The following TRDN variants were observed in gnomAD, a reference collection of about 807,000 sequenced individuals.
TRDN encodes triadin, also known as triadin in skeletal muscle.
Under a neutral mutation model 149.7 loss-of-function variants are expected in TRDN, and 161 were observed. That is an observed-to-expected ratio of 1.08 (90% CI 0.95 to 1.23). TRDN has a LOEUF of 1.23. TRDN is among the 50% of genes most tolerant of loss of function. The pLI is 0.00. For synonymous variants in TRDN, 294 were observed against 250.5 expected (o/e 1.17, Z -1.64); for missense variants, 896 against 823.5 (o/e 1.09, Z -1.08).
chr6:123,615,222 T>C (rs562141709), intron 1 of TRDN, among the ~76,000 whole-genome samples: 1 of 152,240 alleles, frequency 6.6e-6, no homozygotes, highest in African/African-American at 2.4e-5. Flanking sequence ...AGTGCAGCCA[T>C]TATGAAAAAT....
chr6:123,485,563 T>C (rs1216622055), intron 9 of TRDN, among the ~76,000 whole-genome samples: 1 of 152,134 alleles, frequency 6.6e-6, no homozygotes, highest in African/African-American at 2.4e-5. Flanking sequence ...AGAATAATAA[T>C]GCTACGTGAA....
chr6:123,561,342 T>A (rs1781983692), intron 2 of TRDN, among the ~76,000 whole-genome samples: 1 of 152,128 alleles, frequency 6.6e-6, no homozygotes, highest in South Asian at 2.1e-4. Flanking sequence ...CTCACCAAGC[T>A]CAGCCACCAA....
At chr6:123,415,905 T>C (rs1362763622) in intron 12 of TRDN, among the ~76,000 whole-genome samples, 3 of 152,330 alleles carry the variant, frequency 2.0e-5, no homozygotes, top group East Asian at 1.9e-4. Flanking sequence ...TTCCATATTC[T>C]AGTTTTATAT....
intron 24 of TRDN, among the ~76,000 whole-genome samples, chr6:123,296,380 A>T (rs1778197926): frequency 6.6e-6 from 1 of 152,134 alleles, no homozygotes; most frequent in African/African-American, 2.4e-5. Flanking sequence ...TTTCTACCAC[A>T]TATATTCAAT....
intron 12 of TRDN, among the ~76,000 whole-genome samples, chr6:123,394,569 T>A (rs1336800360): frequency 6.6e-6 from 1 of 152,188 alleles, no homozygotes; most frequent in East Asian, 1.9e-4. Flanking sequence ...TAGGTGGATA[T>A]GTAGTAGTTG....
intron 33 of TRDN, among the ~76,000 whole-genome samples, chr6:123,262,270 A>G (rs1407135587): frequency 6.6e-6 from 1 of 152,046 alleles, no homozygotes; most frequent in South Asian, 2.1e-4. Flanking sequence ...CTCAACCCAC[A>G]CAATAACTGT....
In TRDN at chr6:123,493,235, G is replaced by T. The variant is rs10223415; in HGVS notation, c.853+3958C>A. On this transcript the variant is annotated intron_variant, in intron 9 of 40. Coordinates refer to ENST00000334268, the MANE Select transcript of TRDN (RefSeq NM_006073.4). ...TTTCAACTTAATATAGAGTAAGTCA[G>T]TACAAGAGAATTTTGATTCAATACA... Among the ~76,000 whole-genome samples, 797 of 152,172 alleles carry T rather than the reference G, an allele frequency of 5.2e-3. 6 individuals carry two copies. The highest frequency in any genetic ancestry group is 0.018 in the African/African-American group (740 of 41,518).
chr6:123,570,824 C>T, intron 2 of TRDN, 99 bp downstream of exon 2: 1 of 1,083,856 alleles, frequency 9.2e-7, no homozygotes, highest in Non-Finnish European at 1.3e-6. Flanking sequence ...TTCTTCCTCA[C>T]ACTAAGATGA....
chr6:123,524,691 A>G, intron 5 of TRDN, among the ~76,000 whole-genome samples: 1 of 152,162 alleles, frequency 6.6e-6, no homozygotes, highest in South Asian at 2.1e-4. Context: ...TGCCTAAGGA[A>G]AAAGCAAAAA....
chr6:123,559,730 T>C (rs1447250557), intron 2 of TRDN, among the ~76,000 whole-genome samples: 1 of 152,214 alleles, frequency 6.6e-6, no homozygotes, highest in Non-Finnish European at 1.5e-5. Context: ...TTACCTGTCC[T>C]AAAACCAGAC....
chr6:123,411,479 T>A (rs577310123), intron 12 of TRDN, among the ~76,000 whole-genome samples: 1 of 152,176 alleles, frequency 6.6e-6, no homozygotes, highest in African/African-American at 2.4e-5. Context: ...ATGACCTAGT[T>A]GGAAAGTTTG....
intron 33 of TRDN, among the ~76,000 whole-genome samples, chr6:123,263,339 G>A (rs1776835717): frequency 6.6e-6 from 1 of 152,050 alleles, no homozygotes; most frequent in Non-Finnish European, 1.5e-5. Flanking sequence ...GGAAACTGCA[G>A]AAGAAAAGTT....
chr6:123,233,925 A>G (rs1012355018), intron 38 of TRDN, among the ~76,000 whole-genome samples: 2 of 152,064 alleles, frequency 1.3e-5, no homozygotes, highest in African/African-American at 4.8e-5. Context: ...CCTCATTCTT[A>G]TAGTTACCAA....
intron 10 of TRDN, among the ~76,000 whole-genome samples, chr6:123,450,439 T>G (rs903935897): frequency 3.9e-5 from 6 of 152,112 alleles, no homozygotes; most frequent in Non-Finnish European, 4.4e-5. Context: ...GTAGCTATTC[T>G]TATATCAGAC....
chr6:123,253,534 A>G (rs1011097320), intron 37 of TRDN, among the ~76,000 whole-genome samples: 6 of 152,158 alleles, frequency 3.9e-5, no homozygotes, highest in Non-Finnish European at 8.8e-5. Flanking sequence ...CACTAAGACT[A>G]ACATGTTATT....
At chr6:123,387,660 T>C (rs1321870960) in intron 14 of TRDN, among the ~76,000 whole-genome samples, 5 of 152,192 alleles carry the variant, frequency 3.3e-5, no homozygotes, top group Non-Finnish European at 7.3e-5. Context: ...CAGGAGTCCT[T>C]GACCACTGAT....
At chr6:123,513,394 A>C (rs1779266163) in intron 6 of TRDN, among the ~76,000 whole-genome samples, 1 of 152,100 alleles carries the variant, frequency 6.6e-6, no homozygotes, top group African/African-American at 2.4e-5. Flanking sequence ...ATTTGAATAC[A>C]TTTTTTTCTG....
At chr6:123,375,728 G>T in intron 18 of TRDN, 97 bp from the exon 19 acceptor site, 1 of 1,017,818 alleles carries the variant, frequency 9.8e-7, no homozygotes, top group Non-Finnish European at 1.4e-6. Context: ...TTTAAAGATT[G>T]TGTGTATAAT....
chr6:123,335,116 T>G (rs188576791), intron 22 of TRDN, among the ~76,000 whole-genome samples: 7 of 151,928 alleles, frequency 4.6e-5, no homozygotes, highest in Non-Finnish European at 1.5e-5. Flanking sequence ...TAAAATCTTA[T>G]AGGTAATATT....
Sources: gnomAD v4.1 joint callset for allele counts (sites outside exome capture counted in the v4.1 genomes callset) on GRCh38, gnomAD v4.1.1 for gene constraint, MANE v1.5 for transcripts, NCBI Gene and HGNC (gene_info 2026-07-23, HGNC 2026-07-21) for gene names.